The following CDC25B variants were observed in gnomAD, a reference collection of about 807,000 sequenced individuals.
CDC25B encodes M-phase inducer phosphatase 2.
Under a neutral mutation model 69.8 loss-of-function variants are expected in CDC25B, and 33 were observed. That is an observed-to-expected ratio of 0.47 (90% CI 0.36 to 0.63). The LOEUF (loss-of-function observed/expected upper bound fraction) is 0.63. Ranked by LOEUF, CDC25B falls within the 30% of genes least tolerant of loss-of-function variation. The probability of loss-of-function intolerance (pLI) is 0.00; values close to 1 mark genes in which losing one functional copy is unlikely to be tolerated. For missense variants in CDC25B, 727 were observed against 809.1 expected (o/e 0.90, Z 1.23); for synonymous variants, 341 against 314.6 (o/e 1.08, Z -0.89).
At chr20:3,800,715 CTG>C in intron 5 of CDC25B, 26 bp from the exon 6 acceptor site, 1 of 1,401,720 alleles carries the variant, frequency 7.1e-7, no homozygotes, top group Non-Finnish European at 1.0e-6. Context: ...CTTCATTCCT[CTG>C]CCTGCCGCCC....
chr20:3,796,275 G>A, upstream of CDC25B: 2 of 1,327,964 alleles, frequency 1.5e-6, no homozygotes, highest in Non-Finnish European at 1.9e-6. Context: ...GTTATTTTTC[G>A]AATATATAAG....
chr20:3,795,835 G>A, upstream of CDC25B: 1 of 984,710 alleles, frequency 1.0e-6, no homozygotes, highest in Non-Finnish European at 1.2e-6. Context: ...CTGCCCAACC[G>A]CGTGACCTTG....
chr20:3,796,164 GGAAATCCAGCC>G, upstream of CDC25B: 1 of 1,138,836 alleles, frequency 8.8e-7, no homozygotes, highest in Non-Finnish European at 1.1e-6. Flanking sequence ...CCCAAAGCCT[GGAAATCCAGCC>G]TCCGCGCCTC....
At chr20:3,790,969 G>C (rs1384234654) in intron 1 of CDC25B, among the ~76,000 whole-genome samples, 1 of 152,114 alleles carries the variant, frequency 6.6e-6, no homozygotes, top group Non-Finnish European at 1.5e-5. Flanking sequence ...GCCTCCCAAA[G>C]TGCTGGGATT....
intron 8 of CDC25B, 117 bp downstream of exon 8, chr20:3,801,505 T>G: frequency 7.5e-7 from 1 of 1,332,514 alleles, no homozygotes; most frequent in Non-Finnish European, 1.0e-6. Flanking sequence ...AGAAGAAGAA[T>G]CTGAGGTAAC....
chr20:3,805,637 G>A lies in CDC25B; in HGVS notation c.*676G>A. ...CTGTCAAATATCAGTTACCCACTCG[G>A]TCCCAGTTTTGTTGCCCCAGAAAGG... On this transcript the variant is annotated 3_prime_UTR_variant, in exon 16 of 16. Transcript: ENST00000245960. 1 of 368,052 alleles carries A rather than the reference G, an allele frequency of 2.7e-6. No individual in the cohort carries two copies. 22.8% of individuals were successfully genotyped at this position (368,052 alleles called of 1,614,324 possible). A position where few individuals can be genotyped will look rare whatever the true frequency, so the allele number is the denominator to read the frequency against.
Position 3,800,838 on chromosome 20 carries a change from C to T in CDC25B, c.555C>T (p.Ala185=), listed in dbSNP as rs762808228. The T allele has an allele frequency of 5.0e-6, 8 of 1,613,616 alleles. No individual in the cohort carries two copies. The African/African-American group carries it at 9.3e-5, about 19-fold the overall frequency. Residue 185 remains alanine (A), a synonymous_variant, in exon 6 of 16, where the codon GCC becomes GCT. Coordinates refer to ENST00000245960, the MANE Select transcript of CDC25B (RefSeq NM_021873.4). ...AGAGCGAGGCGGGCAGTGGAGCTGC[C>T]AGCAGCTCTGGGGAAGACAAGGAGA... ...RRKSEAGSGA[A]SSSGEDKEND... is the part of the protein sequence containing the mutation.
rs1381090344 is a variant in CDC25B at position 3,801,977 on chromosome 20, C to G, written c.975C>G (p.Pro325=). 1.2e-6 allele frequency: 2 copies of G among 1,611,358 alleles called. No individual in the cohort carries two copies. The highest frequency in any genetic ancestry group is 1.7e-6 in the Non-Finnish European group (2 of 1,178,926). ...GGCTCTTCCGCTCTCCGTCCATGCC[C>G]TGCAGCGTGATCCGGCCCATCCTCA... ...CQRLFRSPSM[P]CSVIRPILKR... is the part of the protein sequence containing the mutation. The change falls in exon 10 of 16, where the codon CCC becomes CCG. Residue 325 remains proline, a synonymous_variant. Transcript: ENST00000245960.
chr20:3,800,410 G>C, intron 4 of CDC25B, 52 bp from the exon 5 acceptor site: 1 of 1,612,230 alleles, frequency 6.2e-7, no homozygotes, highest in Non-Finnish European at 8.5e-7. Context: ...GCATGCTCTT[G>C]GTCCCTGCCC....
rs769194857 is a variant in CDC25B at position 3,797,693 on chromosome 20, C to A, written c.272C>A (p.Ser91Tyr). The change falls in exon 2 of 16, where the codon TCT becomes TAT. Residue 91 changes from serine (S) to tyrosine (Y), a missense_variant. By Grantham distance (144) the Ser-to-Tyr change is moderately radical (BLOSUM62 -2). Coordinates refer to ENST00000245960, the MANE Select transcript of CDC25B (RefSeq NM_021873.4). ...AGCCGCCTGACGCACCTATCCCTGT[C>A]TCGACGGGCATCCGAATCCTCCCTG... ...SRSRLTHLSL[S>Y]RRASESSLSS... The A allele has an allele frequency of 5.0e-6, 8 of 1,614,190 alleles. No individual in the cohort carries two copies. In the Admixed American group the frequency reaches 1.3e-4, roughly 27 times the overall value.
intron 3 of CDC25B, among the ~76,000 whole-genome samples, chr20:3,799,444 C>T (rs1322094146): frequency 6.6e-6 from 1 of 151,988 alleles, no homozygotes; most frequent in Non-Finnish European, 1.5e-5. Flanking sequence ...GGTTCCCTGC[C>T]CTGCACCTGC....
chr20:3,796,418 T>C lies in CDC25B; in HGVS notation c.-114T>C, dbSNP rs1237307821. 429 of 151,980 alleles carry C rather than the reference T, an allele frequency of 2.8e-3. No homozygotes were observed. The highest frequency in any genetic ancestry group is 0.023 in the Admixed American group (50 of 2,158). The allele number at this position is 151,980 out of a possible 1,614,324, so 9.4% of individuals were successfully genotyped here. The stretch of plus-strand genomic sequence containing the variant: ...CTGTGGCTCTTCCTCCCTCCCTCCT[T>C]CCCCCCCCCCCCACCCCTCGCCCGC... On this transcript the variant is annotated 5_prime_UTR_variant, in exon 1 of 16. Coordinates refer to ENST00000245960, the MANE Select transcript of CDC25B (RefSeq NM_021873.4).
rs1298917173 is a variant in CDC25B at position 3,790,198 on chromosome 20, G to T, written c.8+3059G>T. 3.3e-5 allele frequency among the ~76,000 whole-genome samples: 5 copies of T among 151,156 alleles called. 1 individual carries two copies. Among genetic ancestry groups the T allele is most frequent in the African/African-American group, 1.2e-4 (5 of 41,094 alleles). ...AAGGAAAGAAGGAAGGAAAGAAAAG[G>T]CAGAGATTGCAGTGAGCCGAGATTA... On this transcript the variant is annotated intron_variant, in intron 1 of 15. Transcript: ENST00000344256.
chr20:3,798,346 G>T (rs1275530571), intron 2 of CDC25B, 66 bp from the exon 3 acceptor site: 3 of 674,304 alleles, frequency 4.4e-6, no homozygotes, highest in Non-Finnish European at 7.0e-6. Context: ...TTCATATTGG[G>T]ACATGGTGGG....
intron 2 of CDC25B, among the ~76,000 whole-genome samples, chr20:3,798,088 T>A (rs1401526731): frequency 6.6e-6 from 1 of 152,224 alleles, no homozygotes; most frequent in African/African-American, 2.4e-5. Flanking sequence ...TCTTAGCCTA[T>A]AACCTCTTCT....
chr20:3,801,562 G>A, intron 8 of CDC25B, 160 bp from the exon 9 acceptor site: 1 of 1,054,042 alleles, frequency 9.5e-7, no homozygotes, highest in Non-Finnish European at 1.4e-6. Flanking sequence ...ACAGGTGGCT[G>A]GTGCCACAGT....
At chr20:3,802,495 C>T in intron 11 of CDC25B, 119 bp downstream of exon 11, 1 of 674,608 alleles carries the variant, frequency 1.5e-6, no homozygotes, top group Non-Finnish European at 2.6e-6. Context: ...TTTTCTTTGT[C>T]CTTTGTATCT....
At position 3,804,926 on chromosome 20, in the gene CDC25B, C is replaced by T. The variant is rs758797782; in HGVS notation, c.1708C>T (p.Arg570Trp). Residue 570 changes from arginine to tryptophan, a missense_variant, in exon 16 of 16, where the codon CGG becomes TGG. Physicochemically the swap from Arg to Trp is moderately radical, Grantham distance 101. Transcript: ENST00000245960. ...TCGCAGCTGGGCTGGGGAGCGGAGC[C>T]GGCGGGAGCTCTGTAGCCGGCTGCA... is the stretch of plus-strand genomic sequence containing the variant. Reference protein sequence around the residue: ...KTRSWAGERSRRELCSRLQDQ With the variant: ...KTRSWAGERSWRELCSRLQDQ The T allele has an allele frequency of 3.0e-5, 48 of 1,613,518 alleles. No individual in the cohort carries two copies. The highest frequency in any genetic ancestry group is 3.8e-5 in the Non-Finnish European group (45 of 1,180,030).
chr20:3,795,380 AAAG>A (rs143895495), upstream of CDC25B, among the ~76,000 whole-genome samples: 52,746 of 149,114 alleles, frequency 0.35, 9,423 homozygotes, highest in African/African-American at 0.43. Flanking sequence ...AACAAAACAA[AAAG>A]AAAGATAATT....
Sources: allele counts gnomAD v4.1 joint callset (sites outside exome capture counted in the v4.1 genomes callset), GRCh38; gene constraint gnomAD v4.1.1; transcripts MANE v1.5; gene names NCBI Gene and HGNC (gene_info 2026-07-23, HGNC 2026-07-21).